Variants in GLIS3 observed in about 807,000 individuals in gnomAD.
GLIS3 encodes zinc finger protein GLIS3.
GLIS3 carries 53 observed loss-of-function variants against 78.6 expected under a neutral mutation model. That is an observed-to-expected ratio of 0.67 (90% CI 0.54 to 0.85). The LOEUF is 0.85. GLIS3 is among the 40% of genes least tolerant of loss of function. The pLI is 0.00. For missense variants in GLIS3, 1,703 were observed against 1,231.1 expected, an observed-to-expected ratio of 1.38 and a Z score of -5.74; for synonymous variants, 684 against 509.9, an observed-to-expected ratio of 1.34 and a Z score of -4.60.
chr9:4,144,128 A>G (rs1383436279), intron 2 of GLIS3, among the ~76,000 whole-genome samples: 1 of 152,178 alleles, frequency 6.6e-6, no homozygotes, highest in Non-Finnish European at 1.5e-5. Flanking sequence ...AAGGGAACAA[A>G]GATCGAGAAA....
At chr9:4,161,700 CAG>C (rs1249533892) in intron 2 of GLIS3, among the ~76,000 whole-genome samples, 1 of 101,526 alleles carries the variant, frequency 9.8e-6, no homozygotes, top group Non-Finnish European at 1.8e-5. Flanking sequence ...TTTTTTGAGA[CAG>C]AGTTTCGCTC....
intron 2 of GLIS3, among the ~76,000 whole-genome samples, chr9:4,198,413 A>G (rs934253739): frequency 3.0e-4 from 45 of 152,032 alleles, no homozygotes; most frequent in African/African-American, 1.1e-3. Context: ...ACAAAATACA[A>G]TTGAAAATTT....
At chr9:4,243,164 T>G (rs921434833) in intron 2 of GLIS3, among the ~76,000 whole-genome samples, 4 of 152,190 alleles carry the variant, frequency 2.6e-5, no homozygotes, top group Non-Finnish European at 5.9e-5. Flanking sequence ...CTTAATCCGA[T>G]TTTGGTATCA....
chr9:3,932,222 A>G, intron 6 of GLIS3, 138 bp downstream of exon 6: 1 of 682,410 alleles, frequency 1.5e-6, no homozygotes, highest in Non-Finnish European at 2.7e-6. Flanking sequence ...TTCATGGGAG[A>G]CTTACCTCCT....
At chr9:4,475,138 C>T in the GLIS3 span, among the ~76,000 whole-genome samples, 1 of 151,812 alleles carries the variant, frequency 6.6e-6, no homozygotes, top group African/African-American at 2.4e-5. Context: ...GGATTACAGG[C>T]GTGAGCCACC....
the GLIS3 span, among the ~76,000 whole-genome samples, chr9:4,436,456 T>C: frequency 6.6e-6 from 1 of 152,126 alleles, no homozygotes; most frequent in East Asian, 1.9e-4. Flanking sequence ...CTCATATCAC[T>C]GCCACCATGA....
At chr9:4,079,978 C>T (rs1828414842) in intron 4 of GLIS3, among the ~76,000 whole-genome samples, 1 of 152,152 alleles carries the variant, frequency 6.6e-6, no homozygotes, top group African/African-American at 2.4e-5. Flanking sequence ...TGAATACTCT[C>T]CTCCTTAAGG....
chr9:3,892,770 T>C (rs1822549922), intron 7 of GLIS3, among the ~76,000 whole-genome samples: 2 of 152,178 alleles, frequency 1.3e-5, no homozygotes, highest in African/African-American at 4.8e-5. Context: ...GTCAGAACTT[T>C]AGACTCAGCA....
intron 2 of GLIS3, among the ~76,000 whole-genome samples, chr9:4,258,925 G>C (rs552955391): frequency 2.0e-5 from 3 of 151,940 alleles, no homozygotes; most frequent in African/African-American, 7.3e-5. Context: ...TTTTCCAATC[G>C]TATTTATAAA....
the GLIS3 span, among the ~76,000 whole-genome samples, chr9:4,480,025 G>C: frequency 2.0e-5 from 3 of 150,394 alleles, no homozygotes; most frequent in Non-Finnish European, 4.4e-5. Context: ...AAAGTGCTGA[G>C]TGCTGGGATT....
intron 2 of GLIS3, among the ~76,000 whole-genome samples, chr9:4,326,528 T>C (rs577971358): frequency 3.3e-5 from 5 of 151,306 alleles, no homozygotes; most frequent in African/African-American, 1.2e-4. Flanking sequence ...TGGAGTAGTG[T>C]TTACCAGGGG....
At chr9:4,437,849 C>T in the GLIS3 span, among the ~76,000 whole-genome samples, 25 of 152,188 alleles carry the variant, frequency 1.6e-4, no homozygotes, top group African/African-American at 2.9e-4. Context: ...CTCTTTCTTA[C>T]GATTTTCTTA....
the GLIS3 span, among the ~76,000 whole-genome samples, chr9:4,409,039 T>A: frequency 6.6e-6 from 1 of 152,112 alleles, no homozygotes; most frequent in Non-Finnish European, 1.5e-5. Context: ...ACACACACTC[T>A]TTTAAATTGG....
At chr9:4,361,741 C>T in the GLIS3 span, among the ~76,000 whole-genome samples, 1 of 152,208 alleles carries the variant, frequency 6.6e-6, no homozygotes, top group South Asian at 2.1e-4. Context: ...TCAGTGAAGG[C>T]TCCTAACCAC....
At chr9:4,205,987 G>C (rs1227133326) in intron 2 of GLIS3, among the ~76,000 whole-genome samples, 5 of 152,110 alleles carry the variant, frequency 3.3e-5, no homozygotes, top group African/African-American at 9.7e-5. Flanking sequence ...TTGTTTGCTT[G>C]CTTGTTCCAA....
Position 4,087,693 on chromosome 9 carries a change from A to T in GLIS3, c.1710+30075T>A, listed in dbSNP as rs187339134. On this transcript the variant is annotated intron_variant, in intron 4 of 10. Transcript: ENST00000381971. ...AAGGTGGTACATCATCATAAAATTC[A>T]TATCGGTGAAAAAATATTCATTGAG... is the stretch of plus-strand genomic sequence containing the variant. 1.5e-3 allele frequency among the ~76,000 whole-genome samples: 236 copies of T among 152,314 alleles called. 5 individuals carry two copies. Among genetic ancestry groups the T allele is most frequent in the Admixed American group, 0.014 (220 of 15,296 alleles).
intron 4 of GLIS3, among the ~76,000 whole-genome samples, chr9:3,960,258 T>C (rs1219665443): frequency 2.0e-5 from 3 of 152,154 alleles, no homozygotes; most frequent in Non-Finnish European, 2.9e-5. Context: ...GAGAAGAGCC[T>C]GGGGAGCAGA....
At chr9:3,841,111 T>G (rs1036357513) in intron 9 of GLIS3, among the ~76,000 whole-genome samples, 38 of 152,254 alleles carry the variant, frequency 2.5e-4, no homozygotes, top group African/African-American at 9.1e-4. Flanking sequence ...GCACTCTTGA[T>G]TAAAAGATGT....
chr9:4,246,978 T>C (rs570377000), intron 2 of GLIS3, among the ~76,000 whole-genome samples: 6 of 152,358 alleles, frequency 3.9e-5, no homozygotes, highest in African/African-American at 9.6e-5. Context: ...TTAAGCATAA[T>C]ACATTTGTGA....
Sources: allele counts gnomAD v4.1 joint callset (sites outside exome capture counted in the v4.1 genomes callset), GRCh38; gene constraint gnomAD v4.1.1; transcripts MANE v1.5; gene names NCBI Gene and HGNC (gene_info 2026-07-23, HGNC 2026-07-21).